Variants in CLMP observed in about 807,000 individuals in gnomAD.
CLMP encodes the protein CXADR like cell adhesion molecule.
A neutral mutation model predicts 45.2 loss-of-function variants in CLMP; 27 were observed. The observed-to-expected ratio is 0.60, with a 90% CI of 0.44 to 0.82. The LOEUF is 0.82. Ranked by LOEUF, CLMP falls within the 40% of genes least tolerant of loss-of-function variation. The probability of loss-of-function intolerance (pLI) is 0.00; values close to 1 mark genes in which losing one functional copy is unlikely to be tolerated. For missense variants in CLMP, 403 were observed against 448.4 expected (o/e 0.90, Z 0.91); for synonymous variants, 167 against 171.4 (o/e 0.97, Z 0.20).
chr11:123,086,740 C>T (rs988516348), intron 2 of CLMP, among the ~76,000 whole-genome samples: 1 of 152,144 alleles, frequency 6.6e-6, no homozygotes, highest in Non-Finnish European at 1.5e-5. Context: ...GGGCCAGATG[C>T]GTGGTGGTTC....
chr11:123,155,190 T>C (rs188993112), intron 1 of CLMP, among the ~76,000 whole-genome samples: 5 of 152,186 alleles, frequency 3.3e-5, no homozygotes, highest in Non-Finnish European at 7.3e-5. Context: ...ATGGTCTTAC[T>C]ATGTTCACCA....
At chr11:123,116,642 C>T (rs1860724501) in intron 1 of CLMP, among the ~76,000 whole-genome samples, 1 of 152,174 alleles carries the variant, frequency 6.6e-6, no homozygotes, top group African/African-American at 2.4e-5. Context: ...CAATAACAAT[C>T]ATTGTCTTCT....
At chr11:123,173,536 T>C (rs1038348810) in intron 1 of CLMP, among the ~76,000 whole-genome samples, 13 of 152,330 alleles carry the variant, frequency 8.5e-5, no homozygotes, top group African/African-American at 2.9e-4. Flanking sequence ...ATGCATATGA[T>C]CTCATCTTGA....
At chr11:123,116,526 C>T (rs539885007) in intron 1 of CLMP, among the ~76,000 whole-genome samples, 2 of 152,274 alleles carry the variant, frequency 1.3e-5, no homozygotes, top group South Asian at 2.1e-4. Flanking sequence ...CGAGATCACA[C>T]CACTGCATGC....
intron 2 of CLMP, among the ~76,000 whole-genome samples, chr11:123,091,373 G>A (rs747930370): frequency 5.7e-4 from 87 of 152,152 alleles, no homozygotes; most frequent in Non-Finnish European, 1.1e-3. Flanking sequence ...CCAAAGTGCT[G>A]GGATTACAGG....
At chr11:123,084,757 C>T (rs1865844911) in intron 2 of CLMP, 44 bp from the exon 3 acceptor site, 1 of 1,537,754 alleles carries the variant, frequency 6.5e-7, no homozygotes, top group Non-Finnish European at 9.0e-7. Context: ...TAACTCTCAG[C>T]CTGCCTTTCC....
chr11:123,100,854 C>A (rs964704166), intron 1 of CLMP, among the ~76,000 whole-genome samples: 1 of 151,804 alleles, frequency 6.6e-6, no homozygotes, highest in African/African-American at 2.4e-5. Flanking sequence ...TGGCATCCTC[C>A]CCAAAACAGG....
In CLMP at chr11:123,070,152, C is replaced by CA. The variant is rs1865655593; in HGVS notation, c.*3321dup. The CA allele has an allele frequency of 6.6e-6, 1 of 152,200 alleles. No homozygotes were observed. The highest frequency in any genetic ancestry group is 1.5e-5 in the Non-Finnish European group (1 of 68,042). 9.4% of individuals were successfully genotyped at this position (152,200 alleles called of 1,614,324 possible). On this transcript the variant is annotated 3_prime_UTR_variant, in exon 7 of 7. Coordinates refer to ENST00000448775, the MANE Select transcript of CLMP (RefSeq NM_024769.5). The stretch of plus-strand genomic sequence containing the variant: ...TATATATTTTATTGACATGGTTACT[C>CA]AATGTCCACATCATTCCATCTGCAT...
intron 6 of CLMP, among the ~76,000 whole-genome samples, 162 bp from the exon 7 acceptor site, chr11:123,073,936 C>T (rs1865704618): frequency 6.6e-6 from 1 of 152,200 alleles, no homozygotes; most frequent in Non-Finnish European, 1.5e-5. Flanking sequence ...AGACTTAATG[C>T]TTGGCTCACA....
In CLMP at chr11:123,130,281, C is replaced by G. The variant is rs148468126; in HGVS notation, c.29-32329G>C. 9.2e-4 allele frequency among the ~76,000 whole-genome samples: 140 copies of G among 152,272 alleles called. 1 individual carries two copies. The Middle Eastern group carries it at 0.024, about 26-fold the overall frequency. On this transcript the variant is annotated intron_variant, in intron 1 of 6. Coordinates refer to ENST00000448775, the MANE Select transcript of CLMP (RefSeq NM_024769.5). ...CCGAGAGGCCTCAAACTGGCCCTTTCGTGGATGAAGATCACTTCCCATCAT... is the reference window on the plus strand; with the variant it reads ...CCGAGAGGCCTCAAACTGGCCCTTTGGTGGATGAAGATCACTTCCCATCAT...
Position 123,164,328 on chromosome 11 carries a change from A to G in CLMP, c.28+30585T>C, listed in dbSNP as rs767140211. ...TATTTTTATTTTATTTCCTGAGAGG[A>G]AGTCTTGCTCTGTCACCAAGGCTGG... On this transcript the variant is annotated intron_variant, in intron 1 of 6. Transcript: ENST00000448775. 4.7e-4 allele frequency among the ~76,000 whole-genome samples: 72 copies of G among 152,112 alleles called. 1 individual carries two copies. Among genetic ancestry groups the G allele is most frequent in the Non-Finnish European group, 7.4e-4 (50 of 67,994 alleles).
intron 1 of CLMP, among the ~76,000 whole-genome samples, chr11:123,108,238 A>T (rs981565663): frequency 1.4e-4 from 22 of 152,316 alleles, no homozygotes; most frequent in Non-Finnish European, 2.2e-4. Context: ...CTTCAGAAGA[A>T]GAAGACCATA....
chr11:123,102,065 T>C (rs1866068963), intron 1 of CLMP, among the ~76,000 whole-genome samples: 1 of 151,880 alleles, frequency 6.6e-6, no homozygotes, highest in African/African-American at 2.4e-5. Flanking sequence ...CAGCCTGTAG[T>C]CCCAGCTACT....
chr11:123,137,006 G>A (rs1227742647), intron 1 of CLMP, among the ~76,000 whole-genome samples: 2 of 151,962 alleles, frequency 1.3e-5, no homozygotes, highest in Non-Finnish European at 2.9e-5. Flanking sequence ...ATTCCAAACT[G>A]GGTATGTAAA....
intron 1 of CLMP, among the ~76,000 whole-genome samples, chr11:123,187,803 ATCTC>A (rs1861853942): frequency 6.6e-6 from 1 of 152,188 alleles, no homozygotes; most frequent in Admixed American, 6.5e-5. Context: ...GGGAGTCTCA[ATCTC>A]TCCAGGAAGC....
chr11:123,089,785 A>AAAAAAAAAAAGAAAAAAG (rs1865907373), intron 2 of CLMP, among the ~76,000 whole-genome samples: 1 of 137,802 alleles, frequency 7.3e-6, no homozygotes, highest in African/African-American at 2.9e-5. Flanking sequence ...TCAAAAAAAA[A>AAAAAAAAAAAGAAAAAAG]AAAAAAAAGA....
At chr11:123,135,927 G>T in intron 1 of CLMP, 1 of 546,678 alleles carries the variant, frequency 1.8e-6, no homozygotes, top group Non-Finnish European at 3.7e-6. Context: ...TCCTTAAGAT[G>T]CAAGTCCGAG....
chr11:123,194,793 T>C lies in CLMP; in HGVS notation c.28+120A>G. 3.9e-6 allele frequency: 5 copies of C among 1,291,974 alleles called. No homozygotes were observed. In the South Asian group the frequency reaches 6.2e-5, roughly 16 times the overall value. 80.0% of individuals were successfully genotyped at this position (1,291,974 alleles called of 1,614,324 possible). A position where few individuals can be genotyped will look rare whatever the true frequency, so the allele number is the denominator to read the frequency against. ...TCCTCCGTGGCCAGGAGGCAGGGAC[T>C]GAAAAGCCGGCTGACTCCAGGGGCT... On this transcript the variant is annotated intron_variant, in intron 1 of 6. Transcript: ENST00000448775.
chr11:123,079,955 T>C (rs1865785488), intron 5 of CLMP, among the ~76,000 whole-genome samples: 1 of 152,206 alleles, frequency 6.6e-6, no homozygotes, highest in South Asian at 2.1e-4. Flanking sequence ...TTAATAGTAA[T>C]AATAGCTAGT....
Sources: allele counts gnomAD v4.1 joint callset (sites outside exome capture counted in the v4.1 genomes callset), GRCh38; gene constraint gnomAD v4.1.1; transcripts MANE v1.5; gene names NCBI Gene and HGNC (gene_info 2026-07-23, HGNC 2026-07-21).